The following CRHBP variants were observed in gnomAD, a reference collection of about 807,000 sequenced individuals.
CRHBP encodes corticotropin-releasing hormone-binding protein.
Under a neutral mutation model 34.9 loss-of-function variants are expected in CRHBP, and 19 were observed. The observed-to-expected ratio is 0.55, with a 90% CI of 0.38 to 0.80. The LOEUF (loss-of-function observed/expected upper bound fraction) is 0.80, where lower values mean the gene tolerates loss of function less well. Ranked by LOEUF, CRHBP falls within the 30% of genes least tolerant of loss-of-function variation. The pLI, the probability that CRHBP is intolerant of heterozygous loss-of-function variation, is 0.00. For missense variants in CRHBP, 328 were observed against 409.2 expected, an observed-to-expected ratio of 0.80 and a Z score of 1.71; for synonymous variants, 154 against 153.4, an observed-to-expected ratio of 1.00 and a Z score of -0.03.
chr5:76,953,472 G>C (rs1335043356), intron 1 of CRHBP, 129 bp from the exon 2 acceptor site: 3 of 1,055,968 alleles, frequency 2.8e-6, no homozygotes. Context: ...GTCTTCTCCG[G>C]ACACGGGAAA....
intron 3 of CRHBP, among the ~76,000 whole-genome samples, chr5:76,954,636 C>T (rs1267087051): frequency 1.3e-5 from 2 of 152,210 alleles, no homozygotes; most frequent in Admixed American, 6.5e-5. Flanking sequence ...CGCCTCGCTC[C>T]TGCTGGTCCA....
intron 6 of CRHBP, among the ~76,000 whole-genome samples, chr5:76,967,752 G>A (rs1024173475): frequency 6.6e-6 from 1 of 150,774 alleles, no homozygotes; most frequent in Non-Finnish European, 1.5e-5. Flanking sequence ...AGGCTGGGGT[G>A]CAGTGGTGTG....
At chr5:76,979,475 C>G (rs541217002) in intron 3 of CRHBP, among the ~76,000 whole-genome samples, 2 of 152,108 alleles carry the variant, frequency 1.3e-5, no homozygotes, top group Non-Finnish European at 2.9e-5. Flanking sequence ...CTCAGCCTCC[C>G]GAGTAGCTGG....
At chr5:76,964,279 A>C (rs1335249900) in intron 6 of CRHBP, among the ~76,000 whole-genome samples, 3 of 151,980 alleles carry the variant, frequency 2.0e-5, no homozygotes, top group East Asian at 3.8e-4. Context: ...ACGAGACAAA[A>C]CAGAAGAAGA....
intron 3 of CRHBP, among the ~76,000 whole-genome samples, chr5:76,979,574 C>T (rs1171891512): frequency 6.6e-6 from 1 of 151,810 alleles, no homozygotes; most frequent in Non-Finnish European, 1.5e-5. Flanking sequence ...TGGTCTTGAT[C>T]TCCTGACCTC....
At chr5:76,965,112 T>C (rs765629526) in intron 6 of CRHBP, among the ~76,000 whole-genome samples, 1 of 152,044 alleles carries the variant, frequency 6.6e-6, no homozygotes, top group Non-Finnish European at 1.5e-5. Context: ...ATTTAAAGTA[T>C]ATGGGAGGAT....
intron 5 of CRHBP, 94 bp downstream of exon 5, chr5:76,958,983 T>G: frequency 3.0e-6 from 4 of 1,345,152 alleles, no homozygotes; most frequent in Non-Finnish European, 4.1e-6. Context: ...CACTAGCAAA[T>G]TGGCGTAGTA....
At chr5:76,972,085 A>T (rs914800629), downstream of CRHBP, among the ~76,000 whole-genome samples, 3 of 152,066 alleles carry the variant, frequency 2.0e-5, no homozygotes, top group African/African-American at 7.2e-5. Context: ...TCTATTATGC[A>T]GGCTGGAGTG....
At chr5:76,975,845 T>TATATATATATATATATATATATAC (rs1237085128) in intron 2 of CRHBP, among the ~76,000 whole-genome samples, 3 of 97,618 alleles carry the variant, frequency 3.1e-5, no homozygotes, top group Non-Finnish European at 1.8e-5. Flanking sequence ...TATATATATA[T>TATATATATATATATATATATATAC]ACACGCATAT....
chr5:76,966,176 G>A (rs1453323842), intron 6 of CRHBP, among the ~76,000 whole-genome samples: 2 of 152,028 alleles, frequency 1.3e-5, no homozygotes, highest in African/African-American at 2.4e-5. Context: ...GTGCCACCAC[G>A]CCTGGCTAAT....
intron 6 of CRHBP, among the ~76,000 whole-genome samples, chr5:76,965,873 C>T (rs916789706): frequency 1.3e-5 from 2 of 152,002 alleles, no homozygotes; most frequent in South Asian, 2.1e-4. Flanking sequence ...TTGGACAAAA[C>T]GCACAAAGTA....
Position 76,954,123 on chromosome 5 carries a change from G to A in CRHBP, c.270G>A (p.Glu90=). The change falls in exon 3 of 7, where the codon GAG becomes GAA. Residue 90 remains glutamate (E), a synonymous_variant. Transcript: ENST00000274368. ...CAGCCTTCTTCATCAGCGAGCCCGA[G>A]GAGTTCATTACCATCCACTACGACC... The part of the protein sequence containing the change: ...HCAAFFISEP[E]EFITIHYDQV... 1 of 1,614,080 alleles carries A rather than the reference G, an allele frequency of 6.2e-7. No homozygotes were observed. The highest frequency in any genetic ancestry group is 8.5e-7 in the Non-Finnish European group (1 of 1,179,960).
chr5:76,961,624 G>A (rs1037726415), intron 5 of CRHBP, among the ~76,000 whole-genome samples: 1 of 152,244 alleles, frequency 6.6e-6, no homozygotes, highest in Admixed American at 6.5e-5. Context: ...TAGTAGGTAG[G>A]CCCTTTAAAA....
chr5:76,953,492 C>G, intron 1 of CRHBP, 109 bp from the exon 2 acceptor site: 3 of 1,135,268 alleles, frequency 2.6e-6, no homozygotes, highest in Non-Finnish European at 2.6e-6. Flanking sequence ...AACATTACCC[C>G]TCTCTCTTTA....
chr5:76,970,657 A>G (rs1745932022), downstream of CRHBP, among the ~76,000 whole-genome samples: 1 of 152,212 alleles, frequency 6.6e-6, no homozygotes, highest in African/African-American at 2.4e-5. Context: ...CTTAAAAAAG[A>G]TAGTCACTCT....
chr5:76,979,168 T>G (rs867761570), intron 3 of CRHBP, among the ~76,000 whole-genome samples: 1 of 152,164 alleles, frequency 6.6e-6, no homozygotes, highest in Non-Finnish European at 1.5e-5. Flanking sequence ...TTCTTGTCTC[T>G]TCTTTTCTTT....
rs1344663740 is a variant in CRHBP at position 76,953,192 on chromosome 5, A to G, written c.58A>G (p.Arg20Gly). 1.9e-6 allele frequency: 3 copies of G among 1,614,094 alleles called. No homozygotes were observed. The East Asian group carries it at 6.7e-5, about 36-fold the overall frequency. ...CATTCTCATCTTCCTGACGGCTCTA[A>G]GAGGGGAAAGCCGGTACCTAGAGGT... ...HFILIFLTAL[R>G]GESRYLELRE... is the part of the protein sequence containing the mutation. Residue 20 changes from arginine to glycine, a missense_variant, in exon 1 of 7, where the codon AGA becomes GGA. By Grantham distance (125) the Arg-to-Gly change is moderately radical. This residue lies in a region of CRHBP where 173 missense variants were observed against 172.2 expected (regional missense o/e 1.00). Transcript: ENST00000274368.
At chr5:76,962,545 G>A (rs375786673) in intron 5 of CRHBP, among the ~76,000 whole-genome samples, 2 of 151,478 alleles carry the variant, frequency 1.3e-5, no homozygotes, top group Admixed American at 6.6e-5. Context: ...TTGGGAGTCC[G>A]AGGCAGGAGG....
chr5:76,972,683 C>T (rs1264065203), downstream of CRHBP, among the ~76,000 whole-genome samples: 1 of 152,144 alleles, frequency 6.6e-6, no homozygotes, highest in Non-Finnish European at 1.5e-5. Flanking sequence ...CCACTGTCTT[C>T]GAGCCTGCCA....
Sources: gnomAD v4.1 joint callset for allele counts (sites outside exome capture counted in the v4.1 genomes callset) on GRCh38, gnomAD v4.1.1 for gene constraint, gnomAD v4.1.1 regional missense constraint, MANE v1.5 for transcripts, NCBI Gene and HGNC (gene_info 2026-07-23, HGNC 2026-07-21) for gene names.